Variants in MAPRE2 observed in about 807,000 individuals in gnomAD.
The protein encoded by MAPRE2 is microtubule associated protein RP/EB family member 2, also known as microtubule-associated protein RP/EB family member 2.
In MAPRE2, 13 loss-of-function variants were observed where a neutral mutation model predicts 43.2. The observed-to-expected ratio is 0.30, with a 90% CI of 0.20 to 0.48. The LOEUF is 0.48. Among genes scored for constraint, MAPRE2 ranks in the 20% least tolerant of loss-of-function variants. MAPRE2 has a pLI of 0.99. For missense variants in MAPRE2, 161 were observed against 400.2 expected, an observed-to-expected ratio of 0.40 and a Z score of 5.10; for synonymous variants, 135 against 148.8, an observed-to-expected ratio of 0.91 and a Z score of 0.68.
At chr18:34,988,256 T>C (rs1156749848) in intron 1 of MAPRE2, among the ~76,000 whole-genome samples, 3 of 152,202 alleles carry the variant, frequency 2.0e-5, no homozygotes, top group Non-Finnish European at 2.9e-5. Context: ...AAAGAGTCCA[T>C]AGATAATTCT....
At chr18:34,994,794 T>G (rs2097025649) in intron 1 of MAPRE2, among the ~76,000 whole-genome samples, 1 of 152,202 alleles carries the variant, frequency 6.6e-6, no homozygotes, top group Admixed American at 6.5e-5. Flanking sequence ...GAGCTGTACT[T>G]TACAGAAAAC....
intron 2 of MAPRE2, among the ~76,000 whole-genome samples, chr18:35,034,662 C>T (rs1438178073): frequency 2.0e-5 from 3 of 152,018 alleles, no homozygotes; most frequent in Admixed American, 2.0e-4. Context: ...AACAAATTTA[C>T]AAGAAAAAAA....
At chr18:35,118,805 C>T (rs1909535636) in intron 4 of MAPRE2, among the ~76,000 whole-genome samples, 1 of 152,194 alleles carries the variant, frequency 6.6e-6, no homozygotes, top group Admixed American at 6.5e-5. Context: ...CTTACCCTGC[C>T]TCACCCACCT....
intron 2 of MAPRE2, among the ~76,000 whole-genome samples, chr18:35,094,019 A>G (rs1341334103): frequency 2.0e-5 from 3 of 152,200 alleles, no homozygotes; most frequent in African/African-American, 7.2e-5. Context: ...TAATTGAGAA[A>G]AATTGGAAAA....
At chr18:35,100,492 T>C (rs1230963043) in intron 3 of MAPRE2, among the ~76,000 whole-genome samples, 1 of 152,190 alleles carries the variant, frequency 6.6e-6, no homozygotes, top group Non-Finnish European at 1.5e-5. Flanking sequence ...GAAATCGTTC[T>C]ACCTTAAAGA....
chr18:35,055,845 C>G (rs1183882316), intron 1 of MAPRE2, among the ~76,000 whole-genome samples: 2 of 151,720 alleles, frequency 1.3e-5, no homozygotes, highest in Non-Finnish European at 2.9e-5. Flanking sequence ...ATCCTACCTA[C>G]TGGGGAGGCT....
At chr18:35,072,056 C>G (rs375190348) in intron 2 of MAPRE2, among the ~76,000 whole-genome samples, 6 of 152,330 alleles carry the variant, frequency 3.9e-5, no homozygotes, top group African/African-American at 1.4e-4. Flanking sequence ...CTAAAAGTTA[C>G]TTTCAGAAAC....
intron 1 of MAPRE2, among the ~76,000 whole-genome samples, chr18:34,997,681 T>A (rs907899920): frequency 1.3e-5 from 2 of 152,122 alleles, no homozygotes; most frequent in African/African-American, 4.8e-5. Context: ...CCTGGCGTGG[T>A]GGCAGGCACC....
intron 5 of MAPRE2, among the ~76,000 whole-genome samples, chr18:35,131,733 G>C (rs1910156409): frequency 6.6e-6 from 1 of 152,268 alleles, no homozygotes; most frequent in South Asian, 2.1e-4. Context: ...TATGTTAGCA[G>C]GAGACGAAAG....
At chr18:34,977,036 C>T in exon 1 of MAPRE2, 1 of 169,736 alleles carries the variant, frequency 5.9e-6, no homozygotes, top group Non-Finnish European at 1.3e-5. Flanking sequence ...GAAAACAAAG[C>T]CCCCAGCTGT....
chr18:34,982,667 G>T (rs1290819382), intron 1 of MAPRE2, among the ~76,000 whole-genome samples: 1 of 151,880 alleles, frequency 6.6e-6, no homozygotes. Flanking sequence ...TTATAGAATA[G>T]AATTAATTGG....
At position 35,142,914 on chromosome 18, in the gene MAPRE2, C is replaced by T. The variant is rs1193480873; in HGVS notation, c.*2545C>T. 2 of 152,126 alleles carry T rather than the reference C, an allele frequency of 1.3e-5. No individual in the cohort carries two copies. The highest frequency in any genetic ancestry group is 4.2e-4 in the South Asian group (2 of 4,804). The allele number at this position is 152,126 out of a possible 1,614,324, so 9.4% of individuals were successfully genotyped here. On this transcript the variant is annotated 3_prime_UTR_variant, in exon 7 of 7. Transcript: ENST00000300249. ...CAGGAAGCGTCCCTGATTGCGTGCT[C>T]CACTTCTCCCTCTCAGGAAGCCCAG...
At chr18:34,980,023 C>CTTTTTTTTTTT (rs1450524683) in intron 1 of MAPRE2, among the ~76,000 whole-genome samples, 38 of 132,504 alleles carry the variant, frequency 2.9e-4, no homozygotes, top group African/African-American at 1.0e-3. Context: ...TTTTCTTTTT[C>CTTTTTTTTTTT]TTTTTTTCTT....
At chr18:35,135,364 G>A (rs1166488006) in intron 6 of MAPRE2, among the ~76,000 whole-genome samples, 2 of 152,114 alleles carry the variant, frequency 1.3e-5, no homozygotes, top group East Asian at 3.9e-4. Context: ...AGAGGCTCAG[G>A]AGCAGCTAGA....
intron 1 of MAPRE2, among the ~76,000 whole-genome samples, chr18:34,981,288 C>G (rs971018222): frequency 1.3e-5 from 2 of 151,456 alleles, no homozygotes; most frequent in African/African-American, 4.9e-5. Context: ...GTGAGAGGAT[C>G]GCTTGAATCT....
At chr18:35,125,699 G>A (rs776200705) in intron 4 of MAPRE2, among the ~76,000 whole-genome samples, 20 of 152,248 alleles carry the variant, frequency 1.3e-4, no homozygotes, top group Non-Finnish European at 2.2e-4. Context: ...AGTACACTGC[G>A]TATACATTGG....
At chr18:35,062,232 T>C (rs1568988917) in intron 1 of MAPRE2, among the ~76,000 whole-genome samples, 1 of 152,242 alleles carries the variant, frequency 6.6e-6, no homozygotes, top group South Asian at 2.1e-4. Flanking sequence ...AATGCAGAAG[T>C]AGTCTTTGAG....
intron 1 of MAPRE2, among the ~76,000 whole-genome samples, chr18:34,980,546 G>A (rs141816363): frequency 1.5e-3 from 232 of 152,204 alleles, no homozygotes; most frequent in Non-Finnish European, 2.5e-3. Flanking sequence ...CAAAAGGTGG[G>A]GAGAACATTG....
At chr18:35,119,632 C>T (rs1909581097) in intron 4 of MAPRE2, among the ~76,000 whole-genome samples, 1 of 152,120 alleles carries the variant, frequency 6.6e-6, no homozygotes, top group Non-Finnish European at 1.5e-5. Flanking sequence ...ATAGGGAGTG[C>T]ATGGAATGGA....
Sources: gnomAD v4.1 joint callset for allele counts (sites outside exome capture counted in the v4.1 genomes callset) on GRCh38, gnomAD v4.1.1 for gene constraint, MANE v1.5 for transcripts, NCBI Gene and HGNC (gene_info 2026-07-23, HGNC 2026-07-21) for gene names.